The following ANKS1B variants were observed in gnomAD, a reference collection of about 807,000 sequenced individuals.
ANKS1B encodes the protein ankyrin repeat and sterile alpha motif domain-containing protein 1B.
In ANKS1B, 36 loss-of-function variants were observed where a neutral mutation model predicts 148.3. That is an observed-to-expected ratio of 0.24 (90% CI 0.19 to 0.32). The LOEUF (loss-of-function observed/expected upper bound fraction) is 0.32. Ranked by LOEUF, ANKS1B falls within the 10% of genes least tolerant of loss-of-function variation. The pLI is 1.00. For missense variants in ANKS1B, 1,157 were observed against 1,542.6 expected (o/e 0.75, Z 4.19); for synonymous variants, 542 against 560.8 (o/e 0.97, Z 0.47).
intron 8 of ANKS1B, among the ~76,000 whole-genome samples, chr12:99,661,518 C>T (rs187361390): frequency 1.4e-4 from 21 of 152,282 alleles, no homozygotes; most frequent in Non-Finnish European, 2.2e-4. Context: ...AGCAACCCGA[C>T]CCTTGGTTTG....
intron 8 of ANKS1B, among the ~76,000 whole-genome samples, chr12:99,749,918 T>C (rs1217912364): frequency 6.6e-6 from 1 of 152,014 alleles, no homozygotes; most frequent in Non-Finnish European, 1.5e-5. Flanking sequence ...TAGTTCACTG[T>C]CAGAAAAGAT....
chr12:98,736,847 C>T (rs1196035707), intron 9 of ANKS1B, among the ~76,000 whole-genome samples: 4 of 152,232 alleles, frequency 2.6e-5, no homozygotes, highest in African/African-American at 9.6e-5. Flanking sequence ...TCTGCTCATT[C>T]ACCCACCTAT....
Position 98,798,971 on chromosome 12 carries a change from C to T in ANKS1B, c.3305G>A (p.Gly1102Glu). The change falls in exon 22 of 27, where the codon GGG becomes GAG. Residue 1102 changes from glycine (G) to glutamate (E), a missense_variant. Physicochemically the swap from Gly to Glu is moderately conservative, Grantham distance 98. Coordinates refer to ENST00000683438, the MANE Select transcript of ANKS1B (RefSeq NM_001352186.2). ...LGSMLIKELR[G>E]TESTQDACAK... ...ACAAGCATCTTGGGTTGATTCTGTC[C>T]CCCTAAGCTCTTTTATCAGCATAGA... The T allele has an allele frequency of 6.2e-7, 1 of 1,608,704 alleles. No homozygotes were observed. Among genetic ancestry groups the T allele is most frequent in the Non-Finnish European group, 8.5e-7 (1 of 1,177,586 alleles).
chr12:98,790,490 A>T (rs1412057057), intron 22 of ANKS1B, among the ~76,000 whole-genome samples: 3 of 151,546 alleles, frequency 2.0e-5, no homozygotes, highest in African/African-American at 7.2e-5. Flanking sequence ...GCTTAAAAAC[A>T]GTATTTTTTT....
chr12:99,879,422 G>A (rs1388308533), intron 1 of ANKS1B, among the ~76,000 whole-genome samples: 1 of 152,130 alleles, frequency 6.6e-6, no homozygotes. Flanking sequence ...CAGGGAAGTG[G>A]CAGTTGTTAG....
intron 17 of ANKS1B, among the ~76,000 whole-genome samples, chr12:98,912,077 C>T (rs1250284784): frequency 2.0e-5 from 3 of 152,176 alleles, no homozygotes; most frequent in Admixed American, 6.5e-5. Context: ...TCATACCAGG[C>T]GCACTTCTAA....
intron 8 of ANKS1B, among the ~76,000 whole-genome samples, chr12:99,672,502 A>C (rs1046964107): frequency 1.3e-5 from 2 of 152,168 alleles, no homozygotes; most frequent in African/African-American, 4.8e-5. Context: ...CATTGCATAA[A>C]GACAAAACCT....
rs988376597 is a variant in ANKS1B at position 99,640,969 on chromosome 12, A to G, written c.1272+14098T>C. ...AATAATTCAAACAATGTTTAAGTAT[A>G]TAAAGCAGGAAGTTAAAGTCTCCCT... On this transcript the variant is annotated intron_variant, in intron 9 of 26. Transcript: ENST00000683438. Among the ~76,000 whole-genome samples the G allele has an allele frequency of 4.6e-5, 7 of 152,250 alleles. No homozygotes were observed. The East Asian group carries it at 1.2e-3, about 25-fold the overall frequency.
At chr12:99,219,656 C>T (rs904037354) in intron 14 of ANKS1B, among the ~76,000 whole-genome samples, 1 of 152,306 alleles carries the variant, frequency 6.6e-6, no homozygotes, top group East Asian at 1.9e-4. Context: ...TGACAGTCAA[C>T]TCAACTCTCC....
intron 17 of ANKS1B, among the ~76,000 whole-genome samples, chr12:98,844,779 T>C (rs1437728954): frequency 6.6e-6 from 1 of 152,222 alleles, no homozygotes; most frequent in African/African-American, 2.4e-5. Flanking sequence ...TGGATTCTGC[T>C]CTATTCAATA....
chr12:99,302,207 G>C (rs1415483669), intron 12 of ANKS1B, among the ~76,000 whole-genome samples: 1 of 152,094 alleles, frequency 6.6e-6, no homozygotes, highest in South Asian at 2.1e-4. Flanking sequence ...AATAAATGAT[G>C]TGCAATTATG....
rs571551196 is a variant in ANKS1B at position 99,202,134 on chromosome 12, T to C, written c.2419+42208A>G. On this transcript the variant is annotated intron_variant, in intron 14 of 26. Transcript: ENST00000683438. ...AGCATATGTCTTCACACTATGACAA[T>C]TGGCAATAGACTGTTAAGCTTCGGC... 5.9e-5 allele frequency among the ~76,000 whole-genome samples: 9 copies of C among 152,364 alleles called. No homozygotes were observed. In the East Asian group the frequency reaches 9.6e-4, roughly 16 times the overall value.
At chr12:99,467,301 G>A (rs1238797400) in intron 10 of ANKS1B, among the ~76,000 whole-genome samples, 1 of 152,090 alleles carries the variant, frequency 6.6e-6, no homozygotes, top group Non-Finnish European at 1.5e-5. Context: ...AAAATAATAA[G>A]AGCTAACTAT....
chr12:98,895,469 G>A (rs1042726352), intron 17 of ANKS1B, among the ~76,000 whole-genome samples: 2 of 152,196 alleles, frequency 1.3e-5, no homozygotes, highest in Non-Finnish European at 2.9e-5. Flanking sequence ...GGACGAGGAG[G>A]GCAAGGGGCA....
chr12:98,751,238 A>G lies in ANKS1B; in HGVS notation c.3747+117T>C. ...CACATGCCAGGAGGAGGCCAAGGGA[A>G]AGGATGAAGAAGAGGCCCTGGGTTC... On this transcript the variant is annotated intron_variant, in intron 26 of 26. Coordinates refer to ENST00000683438, the MANE Select transcript of ANKS1B (RefSeq NM_001352186.2). This position sits in a 1 kb window ranked among gnomAD's most constrained non-coding sequence, Gnocchi z 4.3. 5 of 1,065,292 alleles carry G rather than the reference A, an allele frequency of 4.7e-6. No individual in the cohort carries two copies. The highest frequency in any genetic ancestry group is 6.7e-6 in the Non-Finnish European group (5 of 745,736). The allele number at this position is 1,065,292 out of a possible 1,614,324, so 66.0% of individuals were successfully genotyped here. A position where few individuals can be genotyped will look rare whatever the true frequency, so the allele number is the denominator to read the frequency against.
Position 99,941,464 on chromosome 12 carries a change from T to TA in ANKS1B, c.134+42639dup, listed in dbSNP as rs5800392. On this transcript the variant is annotated intron_variant, in intron 1 of 26. Coordinates refer to ENST00000683438, the MANE Select transcript of ANKS1B (RefSeq NM_001352186.2). ...AATAAAGGCAGTGGGAATAGAAAGT[T>TA]AAAAAAAAAAATAACGACAGGGATA... Among the ~76,000 whole-genome samples the TA allele has an allele frequency of 4.4e-4, 66 of 149,136 alleles. 2 individuals carry two copies. The South Asian group carries it at 0.012, about 28-fold the overall frequency.
At chr12:99,235,110 T>G (rs1242299484) in intron 14 of ANKS1B, among the ~76,000 whole-genome samples, 1 of 152,140 alleles carries the variant, frequency 6.6e-6, no homozygotes, top group African/African-American at 2.4e-5. Context: ...AGTCAGTAGG[T>G]AGGATGGCAA....
At chr12:99,172,884 T>C (rs1179461014) in intron 14 of ANKS1B, among the ~76,000 whole-genome samples, 3 of 152,154 alleles carry the variant, frequency 2.0e-5, no homozygotes, top group Admixed American at 1.3e-4. Context: ...GCTATAACAA[T>C]AAATATTGAC....
At chr12:99,577,410 T>C (rs2097529470) in intron 9 of ANKS1B, among the ~76,000 whole-genome samples, 1 of 151,056 alleles carries the variant, frequency 6.6e-6, no homozygotes, top group Non-Finnish European at 1.5e-5. Flanking sequence ...AACTGAGATG[T>C]AAAAATCCAT....
Sources: allele counts gnomAD v4.1 joint callset (sites outside exome capture counted in the v4.1 genomes callset), GRCh38; gene constraint gnomAD v4.1.1; non-coding constraint Gnocchi (gnomAD v3.1); transcripts MANE v1.5; gene names NCBI Gene and HGNC (gene_info 2026-07-23, HGNC 2026-07-21).